PDE4B: variants seen among roughly 807,000 people sequenced by gnomAD.
The protein encoded by PDE4B is 3',5'-cyclic-AMP phosphodiesterase 4B.
In PDE4B, 20 loss-of-function variants were observed where a neutral mutation model predicts 82.2. That is an observed-to-expected ratio of 0.24 (90% CI 0.17 to 0.35). PDE4B has a LOEUF of 0.35. Among genes scored for constraint, PDE4B ranks in the 10% least tolerant of loss-of-function variants. The probability of loss-of-function intolerance (pLI) is 1.00; values close to 1 mark genes in which losing one functional copy is unlikely to be tolerated. For synonymous variants in PDE4B, 320 were observed against 318.9 expected, an observed-to-expected ratio of 1.00 and a Z score of -0.04; for missense variants, 655 against 907.2, an observed-to-expected ratio of 0.72 and a Z score of 3.57.
chr1:66,033,306 A>G (rs1557512943), intron 3 of PDE4B, among the ~76,000 whole-genome samples: 1 of 152,140 alleles, frequency 6.6e-6, no homozygotes, highest in Admixed American at 6.5e-5. Flanking sequence ...ATAAAACAAT[A>G]TGAACAGAAT....
chr1:66,052,916 C>G (rs1282490389), intron 3 of PDE4B, among the ~76,000 whole-genome samples: 2 of 152,176 alleles, frequency 1.3e-5, no homozygotes, highest in African/African-American at 4.8e-5. Flanking sequence ...TTTGTACCTT[C>G]CTCCCATGAG....
At chr1:66,154,614 C>T (rs1047425823) in intron 3 of PDE4B, among the ~76,000 whole-genome samples, 2 of 152,126 alleles carry the variant, frequency 1.3e-5, no homozygotes, top group African/African-American at 4.8e-5. Context: ...TCTGAAGTAC[C>T]ATCAGCTGGC....
chr1:66,121,750 T>G (rs1191460765), intron 3 of PDE4B, among the ~76,000 whole-genome samples: 1 of 152,258 alleles, frequency 6.6e-6, no homozygotes, highest in Non-Finnish European at 1.5e-5. Flanking sequence ...TTATCTCTGC[T>G]ATAACTTCGT....
chr1:65,893,914 T>C (rs139186787), intron 1 of PDE4B, among the ~76,000 whole-genome samples: 48 of 152,220 alleles, frequency 3.2e-4, no homozygotes, highest in African/African-American at 1.1e-3. Context: ...AAATATCGTA[T>C]GTTCTCACTT....
chr1:66,162,516 A>G (rs1349053210), intron 3 of PDE4B, among the ~76,000 whole-genome samples: 3 of 151,876 alleles, frequency 2.0e-5, no homozygotes, highest in African/African-American at 7.3e-5. Flanking sequence ...TTCCATGACT[A>G]CAGATCTCAG....
chr1:65,877,202 A>G (rs1318739515), intron 1 of PDE4B, among the ~76,000 whole-genome samples: 2 of 152,214 alleles, frequency 1.3e-5, no homozygotes, highest in Non-Finnish European at 2.9e-5. Context: ...ACCAAAACAG[A>G]CATATAGACC....
At chr1:66,305,784 C>A (rs1658230781) in intron 7 of PDE4B, among the ~76,000 whole-genome samples, 1 of 152,126 alleles carries the variant, frequency 6.6e-6, no homozygotes, top group Non-Finnish European at 1.5e-5. Context: ...AAATCATATA[C>A]TAAGTTCAAT....
chr1:65,913,112 G>C (rs371446328), intron 1 of PDE4B, 133 bp from the exon 2 acceptor site: 1 of 443,852 alleles, frequency 2.3e-6, no homozygotes. Context: ...AAACTTAATT[G>C]GCTTGGGAAA....
chr1:66,105,568 A>G (rs186392058), intron 3 of PDE4B, among the ~76,000 whole-genome samples: 1 of 152,280 alleles, frequency 6.6e-6, no homozygotes, highest in African/African-American at 2.4e-5. Context: ...CTTCCTACCC[A>G]TGAGCATGGA....
At chr1:66,119,600 T>G (rs1645668880) in intron 3 of PDE4B, among the ~76,000 whole-genome samples, 1 of 152,216 alleles carries the variant, frequency 6.6e-6, no homozygotes, top group Non-Finnish European at 1.5e-5. Context: ...CCAGTTCTGT[T>G]TTCTGGGCAC....
intron 3 of PDE4B, among the ~76,000 whole-genome samples, chr1:66,117,086 A>C (rs113236073): frequency 0.03 from 4,599 of 152,228 alleles, 248 homozygotes; most frequent in African/African-American, 0.1. Flanking sequence ...TAAATATCTA[A>C]TGAGGAGAAG....
chr1:65,822,658 C>G (rs1645966268), intron 1 of PDE4B, among the ~76,000 whole-genome samples: 1 of 152,136 alleles, frequency 6.6e-6, no homozygotes, highest in East Asian at 1.9e-4. Context: ...TATAAAAGGG[C>G]TGGAGGGACC....
chr1:66,202,894 T>C (rs1412458886), intron 3 of PDE4B, among the ~76,000 whole-genome samples: 4 of 151,518 alleles, frequency 2.6e-5, no homozygotes, highest in Non-Finnish European at 5.9e-5. Context: ...GTCATTATGA[T>C]GTTAGCTGGT....
chr1:66,310,747 A>G (rs369402249), intron 7 of PDE4B, among the ~76,000 whole-genome samples: 23 of 152,160 alleles, frequency 1.5e-4, no homozygotes, highest in African/African-American at 5.1e-4. Context: ...AGCACAATAT[A>G]GTGGCTAAGA....
chr1:66,171,279 G>A (rs565318390), intron 3 of PDE4B, among the ~76,000 whole-genome samples: 11 of 152,116 alleles, frequency 7.2e-5, no homozygotes, highest in East Asian at 1.9e-4. Context: ...TAATTGGGTC[G>A]AAAATGAAAT....
chr1:65,841,498 A>G (rs545548598), intron 1 of PDE4B, among the ~76,000 whole-genome samples: 1 of 152,184 alleles, frequency 6.6e-6, no homozygotes, highest in South Asian at 2.1e-4. Context: ...GAAGCAGCCT[A>G]CTGTCCTCAA....
chr1:66,299,073 G>A (rs553270911), intron 7 of PDE4B, among the ~76,000 whole-genome samples: 2 of 152,160 alleles, frequency 1.3e-5, no homozygotes, highest in African/African-American at 4.8e-5. Flanking sequence ...ATTTCTTTGT[G>A]TTGGGAACAT....
chr1:66,190,528 C>T (rs1197288404), intron 3 of PDE4B, among the ~76,000 whole-genome samples: 1 of 152,200 alleles, frequency 6.6e-6, no homozygotes, highest in Non-Finnish European at 1.5e-5. Context: ...CAAGCCTTGG[C>T]AATGGCGGGC....
chr1:66,325,605 C>G (rs1485921100), intron 7 of PDE4B, among the ~76,000 whole-genome samples: 1 of 152,164 alleles, frequency 6.6e-6, no homozygotes, highest in Non-Finnish European at 1.5e-5. Context: ...GAAGTGGAAA[C>G]CAACAGTCTC....
Sources: gnomAD v4.1 joint callset for allele counts (sites outside exome capture counted in the v4.1 genomes callset) on GRCh38, gnomAD v4.1.1 for gene constraint, MANE v1.5 for transcripts, NCBI Gene and HGNC (gene_info 2026-07-23, HGNC 2026-07-21) for gene names.